DTWD2: variants seen among roughly 807,000 people sequenced by gnomAD.
The protein encoded by DTWD2 is DTW motif tRNA-uridine aminocarboxypropyltransferase 2.
In DTWD2, 39 loss-of-function variants were observed where a neutral mutation model predicts 31.8. The ratio of observed to expected loss-of-function variants is 1.22; its 90% confidence interval spans 0.95 to 1.60. The LOEUF (loss-of-function observed/expected upper bound fraction) is 1.60, where lower values mean the gene tolerates loss of function less well. DTWD2 is among the 40% of genes most tolerant of loss of function. The pLI, the probability that DTWD2 is intolerant of heterozygous loss-of-function variation, is 0.00. For missense variants in DTWD2, 515 were observed against 381.5 expected (o/e 1.35, Z -2.92); for synonymous variants, 180 against 142.8 (o/e 1.26, Z -1.86).
chr5:118,853,204 G>T (rs554644408), intron 4 of DTWD2, among the ~76,000 whole-genome samples: 2 of 152,224 alleles, frequency 1.3e-5, no homozygotes, highest in South Asian at 4.2e-4. Flanking sequence ...TATACCTCTT[G>T]ATCTAAAATA....
At chr5:118,954,029 G>A (rs959768917) in intron 1 of DTWD2, among the ~76,000 whole-genome samples, 2 of 152,228 alleles carry the variant, frequency 1.3e-5, no homozygotes, top group South Asian at 4.1e-4. Flanking sequence ...TCAGAATTTT[G>A]GGAAGCTGAG....
chr5:118,881,742 C>G (rs1296527756), intron 4 of DTWD2, among the ~76,000 whole-genome samples: 1 of 152,122 alleles, frequency 6.6e-6, no homozygotes, highest in Non-Finnish European at 1.5e-5. Context: ...AAAACTGCCA[C>G]TTTTAAAACC....
chr5:118,974,727 T>A, intron 1 of DTWD2: 1 of 474,834 alleles, frequency 2.1e-6, no homozygotes, highest in South Asian at 1.7e-5. Flanking sequence ...TTGCTGTTTA[T>A]TTTTTTTGGC....
intron 4 of DTWD2, among the ~76,000 whole-genome samples, chr5:118,910,087 A>G (rs1220433703): frequency 6.6e-6 from 1 of 152,170 alleles, no homozygotes; most frequent in Admixed American, 6.5e-5. Flanking sequence ...TCATTTAGCC[A>G]TACCCTTGGT....
At chr5:118,945,583 G>T (rs551368116) in intron 1 of DTWD2, among the ~76,000 whole-genome samples, 1 of 152,126 alleles carries the variant, frequency 6.6e-6, no homozygotes, top group African/African-American at 2.4e-5. Flanking sequence ...TGGCCAATGT[G>T]GTGAAACCCC....
At chr5:118,854,952 A>G (rs948882527) in intron 4 of DTWD2, among the ~76,000 whole-genome samples, 3 of 151,956 alleles carry the variant, frequency 2.0e-5, no homozygotes, top group Admixed American at 6.6e-5. Flanking sequence ...CAGCAGCAGG[A>G]GGCCGAGGTG....
intron 4 of DTWD2, among the ~76,000 whole-genome samples, chr5:118,901,902 C>T (rs1753218887): frequency 6.6e-6 from 1 of 152,186 alleles, no homozygotes; most frequent in Non-Finnish European, 1.5e-5. Flanking sequence ...GCCACTGCAT[C>T]TGGCTCAGAA....
intron 3 of DTWD2, 90 bp downstream of exon 3, chr5:118,939,106 G>C: frequency 7.8e-7 from 1 of 1,277,370 alleles, no homozygotes; most frequent in Non-Finnish European, 1.1e-6. Context: ...TTTAGACCAT[G>C]AATAAGCTGA....
At position 118,940,652 on chromosome 5, in the gene DTWD2, G is replaced by C. The variant is rs57450869; in HGVS notation, c.310-1362C>G. Among the ~76,000 whole-genome samples, 395 of 152,276 alleles carry C rather than the reference G, an allele frequency of 2.6e-3. 1 individual carries two copies. The highest frequency in any genetic ancestry group is 9.3e-3 in the African/African-American group (388 of 41,546). Reference sequence around the variant, plus strand: ...CAATTCTAAGTACAATACAAAGAGAGAGAGAAATATATCTTTTGTCATATC... The same window carrying C: ...CAATTCTAAGTACAATACAAAGAGACAGAGAAATATATCTTTTGTCATATC... On this transcript the variant is annotated intron_variant, in intron 2 of 5. Coordinates refer to ENST00000510708, the MANE Select transcript of DTWD2 (RefSeq NM_173666.4).
At position 118,908,374 on chromosome 5, in the gene DTWD2, T is replaced by C. The variant is rs113798226; in HGVS notation, c.597+20163A>G. On this transcript the variant is annotated intron_variant, in intron 4 of 5. Transcript: ENST00000510708. ...CAGTGTATCTAACACCCTAGATACATCAATGAGTGCCAAAAACAAAAACAA... is the reference window on the plus strand; with the variant it reads ...CAGTGTATCTAACACCCTAGATACACCAATGAGTGCCAAAAACAAAAACAA... Among the ~76,000 whole-genome samples, 984 of 152,188 alleles carry C rather than the reference T, an allele frequency of 6.5e-3. 9 individuals carry two copies. The highest frequency in any genetic ancestry group is 0.023 in the African/African-American group (958 of 41,520).
At chr5:118,986,822 C>A (rs536901593) in intron 1 of DTWD2, among the ~76,000 whole-genome samples, 2 of 151,464 alleles carry the variant, frequency 1.3e-5, no homozygotes, top group South Asian at 4.2e-4. Flanking sequence ...GAATTATAGT[C>A]TACCTAATTA....
At chr5:118,901,089 G>A (rs1053699070) in intron 4 of DTWD2, among the ~76,000 whole-genome samples, 3 of 151,904 alleles carry the variant, frequency 2.0e-5, no homozygotes, top group Admixed American at 1.3e-4. Context: ...TATAAAATAT[G>A]TGAATATAAT....
At chr5:118,915,008 CAT>C (rs1363002490) in intron 4 of DTWD2, among the ~76,000 whole-genome samples, 2 of 152,178 alleles carry the variant, frequency 1.3e-5, no homozygotes, top group African/African-American at 4.8e-5. Flanking sequence ...GGGTGGATCA[CAT>C]GAGTCCAGGG....
At chr5:118,974,203 T>C (rs558805871) in intron 1 of DTWD2, 16 of 1,339,558 alleles carry the variant, frequency 1.2e-5, no homozygotes, top group Non-Finnish European at 1.5e-5. Context: ...TCTCAGAATC[T>C]AAACGTGGTC....
intron 4 of DTWD2, among the ~76,000 whole-genome samples, chr5:118,870,233 TACTC>T (rs1186348963): frequency 2.6e-5 from 4 of 152,188 alleles, no homozygotes; most frequent in African/African-American, 9.7e-5. Context: ...ACAGATAAAA[TACTC>T]ACATACACAT....
At chr5:118,875,032 C>G (rs1752590462) in intron 4 of DTWD2, among the ~76,000 whole-genome samples, 1 of 152,090 alleles carries the variant, frequency 6.6e-6, no homozygotes, top group Non-Finnish European at 1.5e-5. Flanking sequence ...ACTGTACAAG[C>G]CAGAAGAAAT....
intron 4 of DTWD2, among the ~76,000 whole-genome samples, chr5:118,898,135 G>C (rs752859591): frequency 2.0e-4 from 31 of 152,240 alleles, no homozygotes; most frequent in Non-Finnish European, 2.9e-4. Flanking sequence ...AAAGTGCTGA[G>C]ATTATAGGCA....
At chr5:118,871,817 C>A (rs1004032385) in intron 4 of DTWD2, among the ~76,000 whole-genome samples, 2 of 152,184 alleles carry the variant, frequency 1.3e-5, no homozygotes, top group African/African-American at 2.4e-5. Flanking sequence ...CTGCATTATC[C>A]CCTAACAAGC....
In DTWD2 at chr5:118,837,163, G is replaced by C. The variant is rs1302666594; in HGVS notation, c.*3754C>G. On this transcript the variant is annotated 3_prime_UTR_variant, in exon 6 of 6. Transcript: ENST00000510708. ...GTAGGTGATGAAAGAGGGAGAGGAA[G>C]ACCCTGGGAAGGAGGAAGAAAGTGT... Among the ~76,000 whole-genome samples, 1 of 152,164 alleles carries C rather than the reference G, an allele frequency of 6.6e-6. No homozygotes were observed. Among genetic ancestry groups the C allele is most frequent in the Non-Finnish European group, 1.5e-5 (1 of 68,026 alleles).
Sources: allele counts gnomAD v4.1 joint callset (sites outside exome capture counted in the v4.1 genomes callset), GRCh38; gene constraint gnomAD v4.1.1; transcripts MANE v1.5; gene names NCBI Gene and HGNC (gene_info 2026-07-23, HGNC 2026-07-21).